The following DYM variants were observed in gnomAD, a reference collection of about 807,000 sequenced individuals.
DYM encodes the protein dyggve-Melchior-Clausen syndrome protein.
A neutral mutation model predicts 93.1 loss-of-function variants in DYM; 78 were observed. That is an observed-to-expected ratio of 0.84 (90% CI 0.70 to 1.01). The LOEUF is 1.01. Among genes scored for constraint, DYM ranks in the 50% least tolerant of loss-of-function variants. The pLI, the probability that DYM is intolerant of heterozygous loss-of-function variation, is 0.00. For synonymous variants in DYM, 321 were observed against 319.7 expected, an observed-to-expected ratio of 1.00 and a Z score of -0.04; for missense variants, 789 against 845.0, an observed-to-expected ratio of 0.93 and a Z score of 0.82.
At chr18:49,404,860 A>T (rs1254041272) in intron 2 of DYM, among the ~76,000 whole-genome samples, 6 of 152,030 alleles carry the variant, frequency 3.9e-5, no homozygotes, top group Non-Finnish European at 7.4e-5. Context: ...TAAAAATACA[A>T]AAATTAGCCA....
intron 14 of DYM, among the ~76,000 whole-genome samples, chr18:49,185,041 CTG>C (rs551411921): frequency 2.0e-5 from 3 of 151,900 alleles, no homozygotes; most frequent in African/African-American, 7.3e-5. Context: ...CCTGAAGATG[CTG>C]TGTGTGTGTG....
chr18:49,166,644 A>T (rs1255631695), intron 14 of DYM, among the ~76,000 whole-genome samples: 3 of 152,114 alleles, frequency 2.0e-5, no homozygotes, highest in Non-Finnish European at 4.4e-5. Flanking sequence ...TTTATAAGAC[A>T]TGTTTACATG....
intron 17 of DYM, among the ~76,000 whole-genome samples, chr18:49,071,291 T>G (rs2076867246): frequency 6.6e-6 from 1 of 152,272 alleles, no homozygotes; most frequent in South Asian, 2.1e-4. Flanking sequence ...AATGAAAGAC[T>G]ATGCCTTCAT....
chr18:49,280,169 T>G (rs534537772), intron 10 of DYM, among the ~76,000 whole-genome samples: 7 of 152,230 alleles, frequency 4.6e-5, no homozygotes, highest in African/African-American at 1.4e-4. Context: ...TTGCCCCTTA[T>G]AGAAACACTG....
chr18:49,080,231 G>A (rs536838662), intron 17 of DYM, among the ~76,000 whole-genome samples: 1,094 of 104,882 alleles, frequency 0.01, 17 homozygotes, highest in East Asian at 0.027. Context: ...CCTCCCTCTC[G>A]GACGGGGCGG....
chr18:49,118,646 G>A, intron 16 of DYM, 98 bp downstream of exon 16: 2 of 1,152,090 alleles, frequency 1.7e-6, no homozygotes. Flanking sequence ...GTTGAAAGAA[G>A]AAACTCTTAC....
intron 6 of DYM, among the ~76,000 whole-genome samples, chr18:49,341,085 T>C (rs2064081263): frequency 6.6e-6 from 1 of 152,246 alleles, no homozygotes; most frequent in Non-Finnish European, 1.5e-5. Context: ...CTAACTGAAC[T>C]AATCTACATT....
intron 8 of DYM, among the ~76,000 whole-genome samples, chr18:49,302,119 CA>C (rs1182822199): frequency 1.3e-5 from 2 of 152,022 alleles, no homozygotes; most frequent in African/African-American, 2.4e-5. Context: ...GACAATGATA[CA>C]AAAAAAGCTC....
intron 14 of DYM, among the ~76,000 whole-genome samples, chr18:49,174,835 CAGAG>C (rs59342373): frequency 0.039 from 5,953 of 151,922 alleles, 376 homozygotes; most frequent in African/African-American, 0.14. Context: ...TAAGCTGAGA[CAGAG>C]AGAGAGCGAG....
intron 1 of DYM, among the ~76,000 whole-genome samples, chr18:49,444,035 A>G (rs2081895855): frequency 6.6e-6 from 1 of 152,364 alleles, no homozygotes. Context: ...ATGTGTAACA[A>G]CTGATGGTGG....
At chr18:49,328,100 T>A (rs549870544) in intron 8 of DYM, among the ~76,000 whole-genome samples, 4 of 152,254 alleles carry the variant, frequency 2.6e-5, no homozygotes, top group Non-Finnish European at 5.9e-5. Context: ...CATTAAAAAA[T>A]TAAAACCAAC....
intron 8 of DYM, among the ~76,000 whole-genome samples, chr18:49,299,627 A>G (rs1250334734): frequency 6.6e-6 from 1 of 152,174 alleles, no homozygotes; most frequent in East Asian, 1.9e-4. Flanking sequence ...CTCCTTCACC[A>G]TGGTTTGATT....
intron 13 of DYM, among the ~76,000 whole-genome samples, chr18:49,222,674 A>T (rs981391877): frequency 3.3e-5 from 5 of 152,158 alleles, no homozygotes; most frequent in Non-Finnish European, 7.4e-5. Flanking sequence ...AAAATGTATC[A>T]ATTACTACTA....
intron 10 of DYM, among the ~76,000 whole-genome samples, chr18:49,276,824 G>C (rs1188954197): frequency 3.9e-5 from 6 of 151,964 alleles, no homozygotes; most frequent in Non-Finnish European, 8.8e-5. Flanking sequence ...TCTGGAAACA[G>C]GATAAAAAAT....
intron 13 of DYM, among the ~76,000 whole-genome samples, chr18:49,253,968 C>T (rs1263324566): frequency 1.3e-5 from 2 of 152,042 alleles, no homozygotes; most frequent in Non-Finnish European, 2.9e-5. Flanking sequence ...CTGTGATCCC[C>T]ATAGAGGTCC....
intron 17 of DYM, among the ~76,000 whole-genome samples, chr18:49,081,322 C>T (rs844289): frequency 6.6e-6 from 1 of 151,026 alleles, no homozygotes; most frequent in African/African-American, 2.4e-5. Context: ...GCCAACACAG[C>T]GAAACCCCGT....
chr18:49,386,464 A>C (rs2068634107), intron 3 of DYM, among the ~76,000 whole-genome samples: 1 of 152,174 alleles, frequency 6.6e-6, no homozygotes, highest in African/African-American at 2.4e-5. Context: ...TGAGAACAGC[A>C]CTTCACCTCC....
chr18:49,313,497 AG>A (rs2061736535), intron 8 of DYM, among the ~76,000 whole-genome samples: 7 of 138,834 alleles, frequency 5.0e-5, no homozygotes, highest in South Asian at 2.3e-4. Context: ...AAAAAAAAAA[AG>A]GGCTGCAGTA....
chr18:49,043,668 CTACGCTTTTGAATAGTG>C lies in DYM; in HGVS notation c.*370_*386del, dbSNP rs1599288457. 4 of 178,702 alleles carry C rather than the reference CTACGCTTTTGAATAGTG, an allele frequency of 2.2e-5. No homozygotes were observed. The East Asian group carries it at 5.7e-4, about 25-fold the overall frequency. 11.1% of individuals were successfully genotyped at this position (178,702 alleles called of 1,614,324 possible). On this transcript the variant is annotated 3_prime_UTR_variant, in exon 18 of 18. Transcript: ENST00000675505. Reference sequence around the variant, plus strand: ...TATCTTGAACATGCAAAAAAATAGTCTACGCTTTTGAATAGTGTGCACTGTTGAATAGTGTGCACTGT... The same window carrying C: ...TATCTTGAACATGCAAAAAAATAGTCTGCACTGTTGAATAGTGTGCACTGT...
Sources: allele counts gnomAD v4.1 joint callset (sites outside exome capture counted in the v4.1 genomes callset), GRCh38; gene constraint gnomAD v4.1.1; transcripts MANE v1.5; gene names NCBI Gene and HGNC (gene_info 2026-07-23, HGNC 2026-07-21).